Variants in CD72 observed in about 807,000 individuals in gnomAD.
CD72 encodes the protein CD72 molecule.
Under a neutral mutation model 50.7 loss-of-function variants are expected in CD72, and 28 were observed. The observed-to-expected ratio is 0.55, with a 90% confidence interval of 0.41 to 0.76. CD72 has a LOEUF of 0.76. Ranked by LOEUF, CD72 falls within the 30% of genes least tolerant of loss-of-function variation. CD72 has a pLI of 0.00. For missense variants in CD72, 403 were observed against 420.6 expected (o/e 0.96, Z 0.37); for synonymous variants, 176 against 171.2 (o/e 1.03, Z -0.22).
intron 1 of CD72, among the ~76,000 whole-genome samples, chr9:35,636,525 C>T (rs1274588320): frequency 6.6e-6 from 1 of 152,190 alleles, no homozygotes; most frequent in Non-Finnish European, 1.5e-5. Context: ...TCACTTAAAT[C>T]TGTTCCCTCC....
At chr9:35,643,855 A>G (rs1823361436) in intron 1 of CD72, among the ~76,000 whole-genome samples, 1 of 151,906 alleles carries the variant, frequency 6.6e-6, no homozygotes, top group African/African-American at 2.4e-5. Context: ...GCACGCCCCA[A>G]TAATCCCAGC....
At chr9:35,641,126 G>T (rs531598596) in intron 1 of CD72, among the ~76,000 whole-genome samples, 24 of 152,260 alleles carry the variant, frequency 1.6e-4, no homozygotes, top group African/African-American at 5.3e-4. Flanking sequence ...GCTGATGACC[G>T]CTGTAACTGC....
chr9:35,624,575 A>G (rs1390893743), intron 1 of CD72, among the ~76,000 whole-genome samples: 1 of 152,144 alleles, frequency 6.6e-6, no homozygotes, highest in Non-Finnish European at 1.5e-5. Context: ...TTGCCTGATT[A>G]TCATGAGGGG....
intron 1 of CD72, chr9:35,643,012 C>G (rs1026371075): frequency 3.9e-4 from 60 of 152,342 alleles, no homozygotes; most frequent in Middle Eastern, 3.4e-3. Context: ...AGCTACTCGC[C>G]TCTGCTGTAA....
rs1823066063 is a variant in CD72 at position 35,616,517 on chromosome 9, C to T, written c.352+83G>A. The stretch of plus-strand genomic sequence containing the variant: ...GAGGTGGTGGTAGTGACTATGATCC[C>T]TGCTGAGGAAGATCAGCTTTGGGGC... On this transcript the variant is annotated intron_variant, in intron 4 of 8. Coordinates refer to ENST00000259633, the MANE Select transcript of CD72 (RefSeq NM_001782.3). 9.3e-6 allele frequency: 11 copies of T among 1,176,522 alleles called. No individual in the cohort carries two copies. The South Asian group carries it at 1.2e-4, about 13-fold the overall frequency. The allele number at this position is 1,176,522 out of a possible 1,614,324, so 72.9% of individuals were successfully genotyped here.
intron 1 of CD72, among the ~76,000 whole-genome samples, chr9:35,634,973 T>C (rs1823276179): frequency 6.6e-6 from 1 of 152,230 alleles, no homozygotes; most frequent in South Asian, 2.1e-4. Flanking sequence ...TAGAGTCTCT[T>C]CTCAAAAGTA....
chr9:35,630,800 A>G (rs1354158252), intron 1 of CD72, among the ~76,000 whole-genome samples: 1 of 152,206 alleles, frequency 6.6e-6, no homozygotes, highest in African/African-American at 2.4e-5. Flanking sequence ...GCAGTGGCTC[A>G]CACCTGTAAT....
chr9:35,641,415 A>C (rs1823338853), intron 1 of CD72, among the ~76,000 whole-genome samples: 1 of 152,230 alleles, frequency 6.6e-6, no homozygotes, highest in Non-Finnish European at 1.5e-5. Context: ...CACACTTTAC[A>C]GGCCCTGACT....
intron 1 of CD72, among the ~76,000 whole-genome samples, chr9:35,634,747 T>C (rs947626711): frequency 6.6e-6 from 1 of 152,220 alleles, no homozygotes; most frequent in Non-Finnish European, 1.5e-5. Flanking sequence ...CACTTTTACC[T>C]TCCCCTTATC....
At chr9:35,613,367 C>T (rs940191904) in intron 5 of CD72, among the ~76,000 whole-genome samples, 2 of 152,070 alleles carry the variant, frequency 1.3e-5, no homozygotes, top group African/African-American at 2.4e-5. Context: ...TGGCCCCCTC[C>T]GTCCCTCTCC....
intron 5 of CD72, among the ~76,000 whole-genome samples, chr9:35,613,584 A>T (rs1823020779): frequency 6.6e-6 from 1 of 152,104 alleles, no homozygotes; most frequent in African/African-American, 2.4e-5. Flanking sequence ...TTGTTCCATC[A>T]GTCCTACCTT....
At chr9:35,624,250 T>C (rs1823174962), upstream of CD72, among the ~76,000 whole-genome samples, 1 of 146,358 alleles carries the variant, frequency 6.8e-6, no homozygotes, top group African/African-American at 2.5e-5. Context: ...ATAATAATAA[T>C]AATAATAATA....
At chr9:35,637,124 C>G (rs114289683) in intron 1 of CD72, among the ~76,000 whole-genome samples, 3 of 152,108 alleles carry the variant, frequency 2.0e-5, no homozygotes, top group Non-Finnish European at 4.4e-5. Flanking sequence ...ATTCTCCCCA[C>G]GCTTGAGAAC....
chr9:35,645,883 G>C (rs7851329), intron 1 of CD72, among the ~76,000 whole-genome samples: 7,179 of 152,024 alleles, frequency 0.047, 409 homozygotes, highest in East Asian at 0.31. Context: ...AACCTGGCCA[G>C]GCTCGGTGGC....
intron 1 of CD72, among the ~76,000 whole-genome samples, chr9:35,627,218 G>A (rs952563090): frequency 4.7e-5 from 7 of 149,352 alleles, no homozygotes; most frequent in African/African-American, 1.2e-4. Flanking sequence ...TCCACCTCCC[G>A]GGTTCAAGCG....
upstream of CD72, among the ~76,000 whole-genome samples, chr9:35,622,271 G>C (rs1484185361): frequency 1.3e-5 from 2 of 152,212 alleles, no homozygotes; most frequent in Non-Finnish European, 1.5e-5. Context: ...TGCACCATGA[G>C]GGAGACTTGG....
chr9:35,627,444 T>C (rs1274390803), intron 1 of CD72, among the ~76,000 whole-genome samples: 1 of 133,946 alleles, frequency 7.5e-6, no homozygotes, highest in African/African-American at 2.6e-5. Context: ...ATAACTTTTA[T>C]ATGCATTGGG....
At position 35,631,895 on chromosome 9, in the gene CD72, AT is replaced by A. The variant is rs536465622; in HGVS notation, n.409-13775del. 3.4e-3 allele frequency among the ~76,000 whole-genome samples: 512 copies of A among 152,154 alleles called. 2 individuals carry two copies. The highest frequency in any genetic ancestry group is 4.9e-3 in the African/African-American group (204 of 41,552). Reference sequence around the variant, plus strand: ...GCTACAGAGCCAGACTCCACTCAAAATAAATAAATAAATAAATAAAAATAAA... The same window carrying A: ...GCTACAGAGCCAGACTCCACTCAAAAAAATAAATAAATAAATAAAAATAAA... On this transcript the variant is annotated intron_variant and non_coding_transcript_variant, in intron 1 of 3. Transcript: ENST00000465754.
chr9:35,620,982 C>A (rs1823142949), upstream of CD72, among the ~76,000 whole-genome samples: 1 of 152,124 alleles, frequency 6.6e-6, no homozygotes, highest in Non-Finnish European at 1.5e-5. Context: ...TGTCTTAGAC[C>A]AGCTTGTAGC....
Sources: allele counts gnomAD v4.1 joint callset (sites outside exome capture counted in the v4.1 genomes callset), GRCh38; gene constraint gnomAD v4.1.1; transcripts MANE v1.5; gene names NCBI Gene and HGNC (gene_info 2026-07-23, HGNC 2026-07-21).